PRKN: variants seen among roughly 807,000 people sequenced by gnomAD.
PRKN encodes the protein E3 ubiquitin-protein ligase parkin.
A neutral mutation model predicts 59.5 loss-of-function variants in PRKN; 56 were observed. The observed-to-expected ratio is 0.94, with a 90% confidence interval of 0.76 to 1.18. PRKN has a LOEUF of 1.18. Ranked by LOEUF, PRKN falls within the 50% of genes most tolerant of loss-of-function variation. The pLI is 0.00. For synonymous variants in PRKN, 250 were observed against 222.1 expected (o/e 1.13, Z -1.12); for missense variants, 657 against 596.4 (o/e 1.10, Z -1.06).
At chr6:161,507,957 T>C (rs1366115919) in intron 9 of PRKN, among the ~76,000 whole-genome samples, 1 of 152,234 alleles carries the variant, frequency 6.6e-6, no homozygotes, top group East Asian at 1.9e-4. Context: ...ATAAATGACC[T>C]ACCTTTTCTG....
Position 161,397,532 on chromosome 6 carries a change from T to C in PRKN, c.1084-10655A>G, listed in dbSNP as rs1469057150. On this transcript the variant is annotated intron_variant, in intron 9 of 11. Transcript: ENST00000366898. The surrounding 1 kb of genome is among the most constrained non-coding windows in gnomAD (Gnocchi z 4.2). ...CTTCTAACAACTTCTCAAAATCTATTCCACCCTTCCCAACTCCTCTTTTAA... is the reference window on the plus strand; with the variant it reads ...CTTCTAACAACTTCTCAAAATCTATCCCACCCTTCCCAACTCCTCTTTTAA... Among the ~76,000 whole-genome samples, 1 of 152,170 alleles carries C rather than the reference T, an allele frequency of 6.6e-6. No individual in the cohort carries two copies. The highest frequency in any genetic ancestry group is 1.5e-5 in the Non-Finnish European group (1 of 68,038).
intron 9 of PRKN, among the ~76,000 whole-genome samples, chr6:161,433,026 A>C (rs765466060): frequency 2.0e-5 from 3 of 152,186 alleles, no homozygotes; most frequent in African/African-American, 7.2e-5. Context: ...AGGGCAAAAA[A>C]TACTTTTGCT....
chr6:162,498,158 C>T (rs546649319), intron 1 of PRKN, among the ~76,000 whole-genome samples: 3 of 152,088 alleles, frequency 2.0e-5, no homozygotes, highest in African/African-American at 7.2e-5. Context: ...ACCTTTGAAC[C>T]CTCAGAACAA....
At chr6:162,526,835 T>G (rs1778307706) in intron 1 of PRKN, among the ~76,000 whole-genome samples, 1 of 152,134 alleles carries the variant, frequency 6.6e-6, no homozygotes, top group Non-Finnish European at 1.5e-5. Context: ...AAAAAGTCTA[T>G]CAAAGTGTAC....
At chr6:162,195,684 C>T (rs1218892532) in intron 4 of PRKN, among the ~76,000 whole-genome samples, 2 of 151,988 alleles carry the variant, frequency 1.3e-5, no homozygotes, top group Non-Finnish European at 2.9e-5. Context: ...AAAGTAATTA[C>T]GGTGATTGTA....
chr6:162,120,024 T>C (rs1251679789), intron 4 of PRKN, among the ~76,000 whole-genome samples: 3 of 152,218 alleles, frequency 2.0e-5, no homozygotes, highest in Admixed American at 1.3e-4. Flanking sequence ...GTTGTTGTTC[T>C]TGTTGTTATT....
intron 3 of PRKN, among the ~76,000 whole-genome samples, chr6:162,237,065 A>G (rs78383667): frequency 0.012 from 1,896 of 152,226 alleles, 44 homozygotes; most frequent in African/African-American, 0.043. Context: ...CCCCTGCAAT[A>G]ATCCTTTCTA....
chr6:162,637,898 A>T (rs924182384), intron 1 of PRKN, among the ~76,000 whole-genome samples: 1 of 152,060 alleles, frequency 6.6e-6, no homozygotes, highest in Non-Finnish European at 1.5e-5. Flanking sequence ...AAATACAAAA[A>T]TTTTTCTGCA....
intron 3 of PRKN, among the ~76,000 whole-genome samples, chr6:162,253,731 A>G (rs1182951888): frequency 6.6e-6 from 1 of 151,388 alleles, no homozygotes; most frequent in East Asian, 1.9e-4. Flanking sequence ...AGAGTTAATG[A>G]AGTAAAAAAA....
chr6:162,238,396 G>T (rs763400612), intron 3 of PRKN, among the ~76,000 whole-genome samples: 1 of 152,164 alleles, frequency 6.6e-6, no homozygotes, highest in African/African-American at 2.4e-5. Context: ...CAAGAAGATT[G>T]TCTAACCATG....
At chr6:162,299,612 C>A (rs2128112691) in intron 2 of PRKN, among the ~76,000 whole-genome samples, 1 of 151,728 alleles carries the variant, frequency 6.6e-6, no homozygotes, top group African/African-American at 2.4e-5. Context: ...TATACATTAT[C>A]ACTTCCCTTT....
Position 162,364,983 on chromosome 6 carries a change from T to C in PRKN, c.171+78327A>G, listed in dbSNP as rs887915552. 4.0e-4 allele frequency among the ~76,000 whole-genome samples: 60 copies of C among 150,786 alleles called. No homozygotes were observed. The East Asian group carries it at 0.011, about 26-fold the overall frequency. On this transcript the variant is annotated intron_variant, in intron 2 of 11. Coordinates refer to ENST00000366898, the MANE Select transcript of PRKN (RefSeq NM_004562.3). ...TCTCCCTCTCTCTCTCTCTCTCTTT[T>C]TTTTTTTTTTTTGCCAATATGTAGT...
At chr6:162,669,864 T>C (rs1465692700) in intron 1 of PRKN, among the ~76,000 whole-genome samples, 1 of 152,214 alleles carries the variant, frequency 6.6e-6, no homozygotes, top group African/African-American at 2.4e-5. Flanking sequence ...TTGGCATCAA[T>C]AGAATTCAAA....
At chr6:162,610,730 T>C (rs901731099) in intron 1 of PRKN, among the ~76,000 whole-genome samples, 3 of 152,206 alleles carry the variant, frequency 2.0e-5, no homozygotes, top group African/African-American at 4.8e-5. Context: ...ATTAGCAATA[T>C]TTCATGTTAG....
In PRKN at chr6:161,467,120, C is replaced by T. The variant is rs1431069027; in HGVS notation, c.1084-80243G>A. On this transcript the variant is annotated intron_variant, in intron 9 of 11. Coordinates refer to ENST00000366898, the MANE Select transcript of PRKN (RefSeq NM_004562.3). The surrounding 1 kb of genome is among the most constrained non-coding windows in gnomAD (Gnocchi z 4.3). ...TTAAAAAGCCTCTCTCATTACTGCTCATCAGTGTCCTGCTGCTGGGGGAGC... is the reference window on the plus strand; with the variant it reads ...TTAAAAAGCCTCTCTCATTACTGCTTATCAGTGTCCTGCTGCTGGGGGAGC... Among the ~76,000 whole-genome samples, 2 of 152,158 alleles carry T rather than the reference C, an allele frequency of 1.3e-5. No homozygotes were observed. The highest frequency in any genetic ancestry group is 2.1e-4 in the South Asian group (1 of 4,826).
At chr6:162,235,708 C>G (rs937289536) in intron 3 of PRKN, among the ~76,000 whole-genome samples, 4 of 151,686 alleles carry the variant, frequency 2.6e-5, no homozygotes, top group African/African-American at 7.3e-5. Flanking sequence ...AAGGCTGAGG[C>G]AGGAGAACTG....
chr6:162,239,087 G>A (rs2128090407), intron 3 of PRKN, among the ~76,000 whole-genome samples: 1 of 152,248 alleles, frequency 6.6e-6, no homozygotes, highest in South Asian at 2.1e-4. Flanking sequence ...GGAGGGAAAT[G>A]CTTAAATGTA....
chr6:162,555,363 T>A (rs1000834210), intron 1 of PRKN, among the ~76,000 whole-genome samples: 21 of 152,272 alleles, frequency 1.4e-4, no homozygotes, highest in African/African-American at 4.8e-4. Flanking sequence ...GTTAAAAAAA[T>A]TCCAGCTTTT....
At chr6:162,069,717 G>A (rs1314553224) in intron 4 of PRKN, among the ~76,000 whole-genome samples, 1 of 152,186 alleles carries the variant, frequency 6.6e-6, no homozygotes, top group Non-Finnish European at 1.5e-5. Flanking sequence ...AGGATTAATT[G>A]TTCCTAAGTA....
Sources: gnomAD v4.1 joint callset for allele counts (sites outside exome capture counted in the v4.1 genomes callset) on GRCh38, gnomAD v4.1.1 for gene constraint, Gnocchi (gnomAD v3.1) non-coding constraint, MANE v1.5 for transcripts, NCBI Gene and HGNC (gene_info 2026-07-23, HGNC 2026-07-21) for gene names.